The following TPH2 variants were observed in gnomAD, a reference collection of about 807,000 sequenced individuals.
The protein encoded by TPH2 is tryptophan 5-hydroxylase 2.
A neutral mutation model predicts 59.1 loss-of-function variants in TPH2; 27 were observed. That is an observed-to-expected ratio of 0.46 (90% CI 0.34 to 0.63). The LOEUF (loss-of-function observed/expected upper bound fraction) is 0.63, where lower values mean the gene tolerates loss of function less well. Ranked by LOEUF, TPH2 falls within the 30% of genes least tolerant of loss-of-function variation. The pLI is 0.01. For synonymous variants in TPH2, 220 were observed against 210.5 expected (o/e 1.05, Z -0.39); for missense variants, 523 against 588.3 (o/e 0.89, Z 1.15).
intron 8 of TPH2, among the ~76,000 whole-genome samples, chr12:72,012,531 G>C (rs1323584452): frequency 6.6e-6 from 1 of 152,196 alleles, no homozygotes; most frequent in Non-Finnish European, 1.5e-5. Flanking sequence ...GAGAGAAAGC[G>C]ATGGCTAGAC....
chr12:71,965,844 TG>T (rs1871805147), intron 5 of TPH2, among the ~76,000 whole-genome samples: 1 of 152,212 alleles, frequency 6.6e-6, no homozygotes, highest in Admixed American at 6.5e-5. Context: ...TTTTTGCTTT[TG>T]TTGCAATTGC....
intron 2 of TPH2, among the ~76,000 whole-genome samples, chr12:71,941,943 G>A (rs1278370959): frequency 6.6e-6 from 1 of 152,204 alleles, no homozygotes; most frequent in African/African-American, 2.4e-5. Flanking sequence ...TTAATGCAGA[G>A]TTAGCTGGTT....
chr12:72,001,971 A>G (rs1392080344), intron 8 of TPH2, among the ~76,000 whole-genome samples: 1 of 152,214 alleles, frequency 6.6e-6, no homozygotes, highest in African/African-American at 2.4e-5. Flanking sequence ...TAGAAGGAAT[A>G]GGTTTTGAGG....
chr12:71,994,385 G>T (rs961894888), intron 7 of TPH2, 54 bp from the exon 8 acceptor site: 2 of 1,607,150 alleles, frequency 1.2e-6, no homozygotes, highest in East Asian at 2.2e-5. Flanking sequence ...TGTTCTACCA[G>T]TGGTAATTTA....
intron 9 of TPH2, 78 bp from the exon 10 acceptor site, chr12:72,031,180 G>A (rs2139253194): frequency 4.4e-6 from 7 of 1,579,458 alleles, no homozygotes; most frequent in Non-Finnish European, 6.1e-6. Context: ...GCTATCAAAT[G>A]TGTTGTAAAA....
intron 1 of TPH2, 33 bp from the exon 2 acceptor site, chr12:71,941,551 A>G: frequency 6.2e-7 from 1 of 1,607,522 alleles, no homozygotes; most frequent in South Asian, 1.1e-5. Flanking sequence ...CCTAACTAAT[A>G]TTTTGTTTTA....
chr12:71,991,166 T>C (rs546921516), intron 7 of TPH2, among the ~76,000 whole-genome samples: 10 of 152,236 alleles, frequency 6.6e-5, no homozygotes, highest in African/African-American at 2.4e-4. Flanking sequence ...GACTCCTGAA[T>C]GTCTTTGGAT....
intron 9 of TPH2, among the ~76,000 whole-genome samples, chr12:72,025,006 A>G (rs1242795512): frequency 6.6e-6 from 1 of 152,154 alleles, no homozygotes; most frequent in Non-Finnish European, 1.5e-5. Flanking sequence ...ACGTAACACA[A>G]GATGCTTTCC....
At chr12:71,953,574 T>C (rs1871412145) in intron 5 of TPH2, among the ~76,000 whole-genome samples, 1 of 152,204 alleles carries the variant, frequency 6.6e-6, no homozygotes, top group Non-Finnish European at 1.5e-5. Flanking sequence ...CTAGTGCTGA[T>C]GGTTTTCTGA....
chr12:71,973,615 C>G (rs143522674), intron 6 of TPH2, among the ~76,000 whole-genome samples: 2 of 152,186 alleles, frequency 1.3e-5, no homozygotes, highest in African/African-American at 4.8e-5. Flanking sequence ...GGGCAACCAG[C>G]GATCCATTCC....
At chr12:71,968,784 T>C (rs912129666) in intron 5 of TPH2, among the ~76,000 whole-genome samples, 1 of 152,030 alleles carries the variant, frequency 6.6e-6, no homozygotes, top group Non-Finnish European at 1.5e-5. Flanking sequence ...GTGGTACAGG[T>C]GGTACAGGAG....
intron 5 of TPH2, among the ~76,000 whole-genome samples, chr12:71,952,719 TCTC>T (rs925421055): frequency 5.3e-5 from 8 of 152,286 alleles, no homozygotes; most frequent in Admixed American, 2.6e-4. Flanking sequence ...TGTGCACTCC[TCTC>T]CTCCAAGCCA....
intron 8 of TPH2, among the ~76,000 whole-genome samples, chr12:71,996,407 G>A (rs899262873): frequency 2.0e-5 from 3 of 152,192 alleles, no homozygotes; most frequent in Admixed American, 6.5e-5. Context: ...TTTAGAAAAA[G>A]GATTGTCAAA....
At chr12:71,967,000 TGGA>T (rs1179521253) in intron 5 of TPH2, among the ~76,000 whole-genome samples, 1 of 152,206 alleles carries the variant, frequency 6.6e-6, no homozygotes, top group Non-Finnish European at 1.5e-5. Flanking sequence ...GTTGGACCGC[TGGA>T]GGAGAAGATC....
intron 8 of TPH2, among the ~76,000 whole-genome samples, chr12:72,002,506 G>C (rs145312628): frequency 2.8e-4 from 43 of 152,284 alleles, no homozygotes; most frequent in Middle Eastern, 3.4e-3. Context: ...AGGTTAGAAC[G>C]CTAAACATTT....
At chr12:72,008,646 A>G (rs1680436005) in intron 8 of TPH2, among the ~76,000 whole-genome samples, 1 of 152,164 alleles carries the variant, frequency 6.6e-6, no homozygotes, top group South Asian at 2.1e-4. Context: ...CCCATTTTAT[A>G]GGTGAATAAA....
chr12:71,949,993 C>G (rs1043796589), intron 5 of TPH2, among the ~76,000 whole-genome samples: 1 of 152,078 alleles, frequency 6.6e-6, no homozygotes, highest in Non-Finnish European at 1.5e-5. Flanking sequence ...TCAGTAACCC[C>G]CTTCAGTCTC....
At chr12:72,026,493 C>A (rs1873571083) in intron 9 of TPH2, among the ~76,000 whole-genome samples, 2 of 152,130 alleles carry the variant, frequency 1.3e-5, no homozygotes, top group Admixed American at 1.3e-4. Context: ...TAGTGCTAGT[C>A]TGTATAGAAG....
chr12:71,992,936 A>C (rs1872614108), intron 7 of TPH2, among the ~76,000 whole-genome samples: 2 of 152,248 alleles, frequency 1.3e-5, no homozygotes, highest in Admixed American at 6.5e-5. Flanking sequence ...TGCCATAAGC[A>C]ATGTGATTGA....
Sources: gnomAD v4.1 joint callset for allele counts (sites outside exome capture counted in the v4.1 genomes callset) on GRCh38, gnomAD v4.1.1 for gene constraint, MANE v1.5 for transcripts, NCBI Gene and HGNC (gene_info 2026-07-23, HGNC 2026-07-21) for gene names.